The following THADA variants were observed in gnomAD, a reference collection of about 807,000 sequenced individuals.
The protein encoded by THADA is tRNA (32-2'-O)-methyltransferase regulator THADA.
Under a neutral mutation model 219.8 loss-of-function variants are expected in THADA, and 213 were observed. The ratio of observed to expected loss-of-function variants is 0.97; its 90% CI spans 0.87 to 1.09. The LOEUF (loss-of-function observed/expected upper bound fraction) is 1.09. Among genes scored for constraint, THADA ranks in the 50% least tolerant of loss-of-function variants. THADA has a pLI of 0.00. For missense variants in THADA, 2,956 were observed against 2,311.3 expected, an observed-to-expected ratio of 1.28 and a Z score of -5.72; for synonymous variants, 1,018 against 828.9, an observed-to-expected ratio of 1.23 and a Z score of -3.92.
At chr2:43,276,923 C>T (rs779852659) in intron 36 of THADA, among the ~76,000 whole-genome samples, 39 of 152,298 alleles carry the variant, frequency 2.6e-4, no homozygotes, top group Non-Finnish European at 4.9e-4. Flanking sequence ...CTCATGCTTT[C>T]CCTTCTCTCC....
chr2:43,397,934 G>A, intron 29 of THADA, 37 bp downstream of exon 29: 2 of 1,606,130 alleles, frequency 1.2e-6, no homozygotes, highest in South Asian at 2.2e-5. Context: ...TCATCTTATG[G>A]TGTTTGACAG....
At chr2:43,418,747 T>C (rs1677320746) in intron 28 of THADA, among the ~76,000 whole-genome samples, 1 of 151,266 alleles carries the variant, frequency 6.6e-6, no homozygotes, top group African/African-American at 2.4e-5. Context: ...GGTATACCAA[T>C]GTTTGAGAGG....
intron 30 of THADA, among the ~76,000 whole-genome samples, chr2:43,324,044 G>A (rs1229303323): frequency 6.6e-6 from 1 of 152,160 alleles, no homozygotes; most frequent in East Asian, 1.9e-4. Flanking sequence ...CTGCTCCCAT[G>A]TGGCCTCACA....
At chr2:43,459,753 G>C (rs1378388329) in intron 26 of THADA, among the ~76,000 whole-genome samples, 1 of 152,160 alleles carries the variant, frequency 6.6e-6, no homozygotes, top group Non-Finnish European at 1.5e-5. Context: ...AAATCTCTCA[G>C]AGTCTGGCCC....
At chr2:43,471,280 C>T (rs1467006080) in intron 26 of THADA, among the ~76,000 whole-genome samples, 1 of 152,164 alleles carries the variant, frequency 6.6e-6, no homozygotes, top group Non-Finnish European at 1.5e-5. Context: ...AATCCCAGCA[C>T]TTTGGGAGAC....
At position 43,551,753 on chromosome 2, in the gene THADA, C is replaced by A. The variant is rs774664339; in HGVS notation, c.2947+36G>T. On this transcript the variant is annotated intron_variant, in intron 19 of 37. Coordinates refer to ENST00000405975, the MANE Select transcript of THADA (RefSeq NM_022065.5). ...AAGAGGTAAAGACATAATAATCAAACCACAGCACTCTAGCCGGCCTTCTTC... is the reference window on the plus strand; with the variant it reads ...AAGAGGTAAAGACATAATAATCAAAACACAGCACTCTAGCCGGCCTTCTTC... 9 of 1,593,506 alleles carry A rather than the reference C, an allele frequency of 5.6e-6. No individual in the cohort carries two copies. The South Asian group carries it at 1.0e-4, about 18-fold the overall frequency.
chr2:43,534,713 T>C (rs1169655376), intron 21 of THADA, among the ~76,000 whole-genome samples: 1 of 152,198 alleles, frequency 6.6e-6, no homozygotes, highest in Non-Finnish European at 1.5e-5. Flanking sequence ...TACCCATTCA[T>C]CTGTTGTTGG....
At position 43,230,864 on chromosome 2, in the gene THADA, T is replaced by C; in HGVS notation, c.*84A>G. 6.8e-7 allele frequency: 1 copy of C among 1,466,488 alleles called. No homozygotes were observed. Among genetic ancestry groups the C allele is most frequent in the Non-Finnish European group, 9.1e-7 (1 of 1,097,346 alleles). The allele number at this position is 1,466,488 out of a possible 1,614,324, so 90.8% of individuals were successfully genotyped here. A position where few individuals can be genotyped will look rare whatever the true frequency, so the allele number is the denominator to read the frequency against. Reference sequence around the variant, plus strand: ...GGGAGGCATGAATGGGATAAAATTTTTGAATTTATGTTCAACATGTTTCCT... The same window carrying C: ...GGGAGGCATGAATGGGATAAAATTTCTGAATTTATGTTCAACATGTTTCCT... On this transcript the variant is annotated 3_prime_UTR_variant, in exon 38 of 38. Transcript: ENST00000405975.
intron 29 of THADA, among the ~76,000 whole-genome samples, chr2:43,368,223 T>A (rs1181606454): frequency 1.3e-5 from 2 of 152,208 alleles, no homozygotes; most frequent in Non-Finnish European, 2.9e-5. Flanking sequence ...AAGATGTGGA[T>A]AATAATTATC....
rs889144003 is a variant in THADA, at chr2:43,437,504, C to T, written c.3837-7202G>A. 2.0e-5 allele frequency among the ~76,000 whole-genome samples: 3 copies of T among 152,108 alleles called. No homozygotes were observed. In the South Asian group the frequency reaches 6.2e-4, roughly 32 times the overall value. ...CTGCTTGGTGTCCTACTGGTAGTAA[C>T]CTTAATTAAATGTTGTATGAGACAA... On this transcript the variant is annotated intron_variant, in intron 26 of 37. Transcript: ENST00000405975.
intron 26 of THADA, among the ~76,000 whole-genome samples, chr2:43,445,193 A>C (rs1410459323): frequency 6.6e-6 from 1 of 151,946 alleles, no homozygotes; most frequent in Non-Finnish European, 1.5e-5. Flanking sequence ...TAATCCCCCC[A>C]TCCCCCGCAA....
At chr2:43,495,976 C>A (rs114373791) in intron 25 of THADA, among the ~76,000 whole-genome samples, 36 of 152,304 alleles carry the variant, frequency 2.4e-4, no homozygotes, top group Admixed American at 5.2e-4. Flanking sequence ...GCACAATTTT[C>A]TAGGCAAGAG....
At chr2:43,470,652 T>C (rs965188498) in intron 26 of THADA, among the ~76,000 whole-genome samples, 7 of 152,048 alleles carry the variant, frequency 4.6e-5, no homozygotes, top group Non-Finnish European at 7.4e-5. Context: ...CTAACAAAAA[T>C]TGTATTTGAG....
chr2:43,410,438 T>C (rs2104757721), intron 28 of THADA, among the ~76,000 whole-genome samples: 1 of 152,320 alleles, frequency 6.6e-6, no homozygotes, highest in East Asian at 1.9e-4. Flanking sequence ...TCGTGCATGA[T>C]TGTTCCTAGC....
intron 28 of THADA, among the ~76,000 whole-genome samples, chr2:43,426,358 A>G (rs2104806560): frequency 6.6e-6 from 1 of 152,338 alleles, no homozygotes; most frequent in Non-Finnish European, 1.5e-5. Flanking sequence ...CTTAAGACAG[A>G]GCACAGGTTC....
intron 30 of THADA, among the ~76,000 whole-genome samples, chr2:43,327,779 T>G (rs1679506788): frequency 6.6e-6 from 1 of 152,034 alleles, no homozygotes; most frequent in Admixed American, 6.5e-5. Context: ...AAAAACCAAC[T>G]CACTTCAAAG....
intron 31 of THADA, among the ~76,000 whole-genome samples, chr2:43,313,871 G>A (rs1251157307): frequency 6.6e-6 from 1 of 152,252 alleles, no homozygotes; most frequent in Non-Finnish European, 1.5e-5. Context: ...AGGCCACAGT[G>A]AGGGCAGCTG....
Position 43,445,236 on chromosome 2 carries a change from C to T in THADA, c.3837-14934G>A, listed in dbSNP as rs536802392. 1.2e-3 allele frequency among the ~76,000 whole-genome samples: 179 copies of T among 152,282 alleles called. 1 individual carries two copies. The highest frequency in any genetic ancestry group is 4.1e-3 in the African/African-American group (171 of 41,556). On this transcript the variant is annotated intron_variant, in intron 26 of 37. Transcript: ENST00000405975. ...AAACGTACAAAGAAGACAAAGCATG[C>T]ACATGCGTTTCAAAGGATATGATCA... is the stretch of plus-strand genomic sequence containing the variant.
chr2:43,432,901 C>A (rs941458335), intron 26 of THADA, among the ~76,000 whole-genome samples: 2 of 152,116 alleles, frequency 1.3e-5, no homozygotes, highest in African/African-American at 4.8e-5. Flanking sequence ...ATGGCATATA[C>A]CTTCTTCTAG....
Sources: allele counts gnomAD v4.1 joint callset (sites outside exome capture counted in the v4.1 genomes callset), GRCh38; gene constraint gnomAD v4.1.1; transcripts MANE v1.5; gene names NCBI Gene and HGNC (gene_info 2026-07-23, HGNC 2026-07-21).